The following CDK13 variants were observed in gnomAD, a reference collection of about 807,000 sequenced individuals.
The protein encoded by CDK13 is cyclin dependent kinase 13, also known as cyclin-dependent kinase 13.
Under a neutral mutation model 137.6 loss-of-function variants are expected in CDK13, and 40 were observed. The observed-to-expected ratio is 0.29, with a 90% confidence interval of 0.23 to 0.38. The LOEUF is 0.38. Among genes scored for constraint, CDK13 ranks in the 10% least tolerant of loss-of-function variants. The probability of loss-of-function intolerance (pLI) is 1.00; values close to 1 mark genes in which losing one functional copy is unlikely to be tolerated. For missense variants in CDK13, 1,704 were observed against 1,951.8 expected, an observed-to-expected ratio of 0.87 and a Z score of 2.39; for synonymous variants, 869 against 760.1, an observed-to-expected ratio of 1.14 and a Z score of -2.36.
intron 2 of CDK13, among the ~76,000 whole-genome samples, chr7:39,992,874 T>G (rs1205943317): frequency 6.6e-6 from 1 of 152,150 alleles, no homozygotes; most frequent in African/African-American, 2.4e-5. Flanking sequence ...CCAGAATATT[T>G]AAGAGGTGAT....
intron 9 of CDK13, chr7:40,072,548 T>G (rs768471349): frequency 6.6e-6 from 1 of 152,238 alleles, no homozygotes; most frequent in Non-Finnish European, 1.5e-5. Flanking sequence ...AAGGTGCTGG[T>G]AGTTTTACCA....
In CDK13 at chr7:39,951,318, G is replaced by A; in HGVS notation, c.677G>A (p.Ser226Asn). The change falls in exon 1 of 14, where the codon AGC becomes AAC. Residue 226 changes from serine to asparagine, a missense_variant. Ser to Asn is a conservative substitution (Grantham distance 46). Coordinates refer to ENST00000181839, the MANE Select transcript of CDK13 (RefSeq NM_003718.5). Reference protein sequence around the residue: ...HRRRDGQRGGSEASKSRSRHS... With the variant: ...HRRRDGQRGGNEASKSRSRHS... ...CGGCGGGATGGGCAGCGCGGTGGCAGCGAGGCCTCCAAGTCCCGCAGCCGC... is the reference window on the plus strand; with the variant it reads ...CGGCGGGATGGGCAGCGCGGTGGCAACGAGGCCTCCAAGTCCCGCAGCCGC... The A allele has an allele frequency of 7.1e-7, 1 of 1,407,674 alleles. No individual in the cohort carries two copies. The highest frequency in any genetic ancestry group is 9.2e-7 in the Non-Finnish European group (1 of 1,090,958). 87.2% of individuals were successfully genotyped at this position (1,407,674 alleles called of 1,614,324 possible). A position where few individuals can be genotyped will look rare whatever the true frequency, so the allele number is the denominator to read the frequency against.
intron 5 of CDK13, among the ~76,000 whole-genome samples, chr7:40,003,067 G>C (rs1241816437): frequency 6.6e-6 from 1 of 151,542 alleles, no homozygotes; most frequent in Non-Finnish European, 1.5e-5. Context: ...GACAGAGCAA[G>C]ACCTTATCTC....
At position 39,951,626 on chromosome 7, in the gene CDK13, C is replaced by T; in HGVS notation, c.985C>T (p.His329Tyr). Residue 329 changes from histidine to tyrosine, a missense_variant, in exon 1 of 14, where the codon CAC becomes TAC. Around this residue, in one of 5 missense-constraint regions of CDK13, gnomAD observed 1,051 missense variants for 931.0 expected, o/e 1.13. Coordinates refer to ENST00000181839, the MANE Select transcript of CDK13 (RefSeq NM_003718.5). ...AGGCCGGGACGACAGCCCGGTGTCC[C>T]ACAGGGCCTCTCAGAGCCTGAGGAG... ...LGGRDDSPVSHRASQSLRSRK... is the reference protein window; with the variant it reads ...LGGRDDSPVSYRASQSLRSRK... The T allele has an allele frequency of 1.3e-6, 2 of 1,486,508 alleles. No homozygotes were observed. The highest frequency in any genetic ancestry group is 2.6e-5 in the East Asian group (1 of 37,746). 92.1% of individuals were successfully genotyped at this position (1,486,508 alleles called of 1,614,324 possible).
chr7:40,058,902 A>G (rs570848746), intron 7 of CDK13, among the ~76,000 whole-genome samples: 1 of 152,090 alleles, frequency 6.6e-6, no homozygotes, highest in East Asian at 1.9e-4. Context: ...TTTACTGAAG[A>G]CTCTCTTTGT....
chr7:39,982,619 T>C (rs1207991258), intron 1 of CDK13, among the ~76,000 whole-genome samples: 2 of 152,234 alleles, frequency 1.3e-5, no homozygotes, highest in African/African-American at 4.8e-5. Flanking sequence ...TGAACTAGTT[T>C]ACAGTCACAC....
At chr7:39,957,960 G>A (rs1268975162) in intron 1 of CDK13, among the ~76,000 whole-genome samples, 3 of 151,992 alleles carry the variant, frequency 2.0e-5, no homozygotes, top group Admixed American at 1.3e-4. Flanking sequence ...GGTTGGCTTT[G>A]TTTTCTATAA....
At chr7:40,006,060 G>A (rs1374341564) in intron 5 of CDK13, among the ~76,000 whole-genome samples, 2 of 152,174 alleles carry the variant, frequency 1.3e-5, no homozygotes, top group African/African-American at 2.4e-5. Context: ...TGAATGGACA[G>A]GGGATAAACT....
rs530713091 is a variant in CDK13 at position 40,096,452 on chromosome 7, T to C, written c.*1472T>C. 1.3e-5 allele frequency: 2 copies of C among 152,300 alleles called. No individual in the cohort carries two copies. The highest frequency in any genetic ancestry group is 6.5e-5 in the Admixed American group (1 of 15,290). 9.4% of individuals were successfully genotyped at this position (152,300 alleles called of 1,614,324 possible). On this transcript the variant is annotated 3_prime_UTR_variant, in exon 14 of 14. Coordinates refer to ENST00000181839, the MANE Select transcript of CDK13 (RefSeq NM_003718.5). Reference sequence around the variant, plus strand: ...ACTCTCACACATACACACACAATTATACTAATTCTAGAAAGGAACCAAAGG... The same window carrying C: ...ACTCTCACACATACACACACAATTACACTAATTCTAGAAAGGAACCAAAGG...
chr7:40,069,313 T>G (rs567128023), intron 9 of CDK13: 1 of 455,762 alleles, frequency 2.2e-6, no homozygotes, highest in Admixed American at 2.4e-5. Flanking sequence ...TTTTCAGACA[T>G]GAAGAAAATG....
Position 40,046,032 on chromosome 7 carries a change from GTATGAACTT to G in CDK13, c.2543+11_2543+19del, listed in dbSNP as rs748646150. On this transcript the variant is annotated splice_region_variant and intron_variant, in intron 6 of 13. Coordinates refer to ENST00000181839, the MANE Select transcript of CDK13 (RefSeq NM_003718.5). The stretch of plus-strand genomic sequence containing the variant: ...ATATCCTTCTAAATAATAGGTATGG[GTATGAACTT>G]TATATATATTTAAAATGAGTTTTAC... 3 of 1,462,818 alleles carry G rather than the reference GTATGAACTT, an allele frequency of 2.1e-6. No individual in the cohort carries two copies. The highest frequency in any genetic ancestry group is 2.3e-5 in the South Asian group (2 of 85,488). 90.6% of individuals were successfully genotyped at this position (1,462,818 alleles called of 1,614,324 possible).
intron 7 of CDK13, among the ~76,000 whole-genome samples, chr7:40,053,846 T>G (rs1366540101): frequency 2.6e-5 from 4 of 152,124 alleles, no homozygotes; most frequent in Non-Finnish European, 5.9e-5. Context: ...TAGTTTCCTT[T>G]CACAAGAATT....
At chr7:40,061,925 GTGATAAAGGAATTATT>G (rs1307198105) in intron 7 of CDK13, 1 of 152,138 alleles carries the variant, frequency 6.6e-6, no homozygotes, top group African/African-American at 2.4e-5. Flanking sequence ...TTTTCGGAAG[GTGATAAAGGAATTATT>G]TGATAAAGTA....
intron 5 of CDK13, among the ~76,000 whole-genome samples, chr7:40,040,819 T>C (rs1562743998): frequency 6.6e-6 from 1 of 152,186 alleles, no homozygotes; most frequent in Admixed American, 6.5e-5. Context: ...TTTAACCTGT[T>C]TAACTGTAAT....
At chr7:40,015,196 T>C (rs1784978959) in intron 5 of CDK13, among the ~76,000 whole-genome samples, 1 of 152,142 alleles carries the variant, frequency 6.6e-6, no homozygotes, top group Non-Finnish European at 1.5e-5. Flanking sequence ...TAGAACAGAA[T>C]GTGTTAGATG....
chr7:40,081,985 TGAG>T (rs1421096562), intron 11 of CDK13, among the ~76,000 whole-genome samples: 1 of 152,194 alleles, frequency 6.6e-6, no homozygotes, highest in South Asian at 2.1e-4. Flanking sequence ...AAGAGAGGGC[TGAG>T]ATTTTTTTCC....
intron 7 of CDK13, chr7:40,048,157 A>G (rs1785791921): frequency 1.2e-5 from 3 of 259,286 alleles, no homozygotes; most frequent in South Asian, 2.2e-4. Flanking sequence ...TCTAATACGT[A>G]TTCAGATATT....
Position 40,094,619 on chromosome 7 carries a change from C to T in CDK13, c.4178C>T (p.Pro1393Leu). The T allele has an allele frequency of 6.2e-7, 1 of 1,614,070 alleles. No homozygotes were observed. The highest frequency in any genetic ancestry group is 8.5e-7 in the Non-Finnish European group (1 of 1,179,962). The change falls in exon 14 of 14, where the codon CCT (proline) becomes CTT (leucine). Residue 1393 changes from proline (P) to leucine (L), a missense_variant. Pro to Leu is a moderately conservative substitution (Grantham distance 98, BLOSUM62 -3). This residue lies in a region of CDK13 where 475 missense variants were observed against 579.3 expected (regional missense o/e 0.82). Coordinates refer to ENST00000181839, the MANE Select transcript of CDK13 (RefSeq NM_003718.5). The stretch of plus-strand genomic sequence containing the variant: ...TCTCATTCTGGTGGTCCACCTCAGC[C>T]TTCTGCCTTTTCTGAGTCATTTCCC... ...ASSHSGGPPQ[P>L]SAFSESFPSS...
rs1362747827 is a variant in CDK13, at chr7:39,951,192, C to T, written c.551C>T (p.Ser184Phe). ...TGGSGGSPASSSGTQRRGEGS... is the reference protein window; with the variant it reads ...TGGSGGSPASFSGTQRRGEGS... ...GGCAGCGGCGGGAGTCCGGCCTCCT[C>T]CTCCGGCACCCAGCGGCGCGGGGAG... Residue 184 changes from serine to phenylalanine, a missense_variant, in exon 1 of 14, where the codon TCC becomes TTC. This residue lies in a region of CDK13 where 1,051 missense variants were observed against 931.0 expected (regional missense o/e 1.13). Transcript: ENST00000181839. 2.6e-5 allele frequency: 32 copies of T among 1,250,402 alleles called. No individual in the cohort carries two copies. Among genetic ancestry groups the T allele is most frequent in the Non-Finnish European group, 3.2e-5 (32 of 999,858 alleles). The allele number at this position is 1,250,402 out of a possible 1,614,324, so 77.5% of individuals were successfully genotyped here.
Sources: gnomAD v4.1 joint callset for allele counts (sites outside exome capture counted in the v4.1 genomes callset) on GRCh38, gnomAD v4.1.1 for gene constraint, gnomAD v4.1.1 regional missense constraint, MANE v1.5 for transcripts, NCBI Gene and HGNC (gene_info 2026-07-23, HGNC 2026-07-21) for gene names.